LRRTM3: variants seen among roughly 807,000 people sequenced by gnomAD.
LRRTM3 encodes the protein leucine rich repeat transmembrane neuronal 3.
Under a neutral mutation model 44.7 loss-of-function variants are expected in LRRTM3, and 24 were observed. The ratio of observed to expected loss-of-function variants is 0.54; its 90% CI spans 0.39 to 0.76. The LOEUF (loss-of-function observed/expected upper bound fraction) is 0.76, where lower values mean the gene tolerates loss of function less well. Among genes scored for constraint, LRRTM3 ranks in the 30% least tolerant of loss-of-function variants. LRRTM3 has a pLI of 0.00. For missense variants in LRRTM3, 587 were observed against 702.2 expected (o/e 0.84, Z 1.85); for synonymous variants, 277 against 278.7 (o/e 0.99, Z 0.06).
At chr10:67,075,230 T>C (rs1242433992) in intron 2 of LRRTM3, among the ~76,000 whole-genome samples, 1 of 151,814 alleles carries the variant, frequency 6.6e-6, no homozygotes, top group Non-Finnish European at 1.5e-5. Flanking sequence ...TGAACAATTT[T>C]AAAGAAAAAT....
rs1157007144 is a variant in LRRTM3 at position 66,951,743 on chromosome 10, T to A, written c.1536+23291T>A. Among the ~76,000 whole-genome samples the A allele has an allele frequency of 2.0e-5, 3 of 152,178 alleles. No homozygotes were observed. The South Asian group carries it at 6.2e-4, about 32-fold the overall frequency. ...TACTTGACCTGCTGTTTGTTCAGAA[T>A]ATTTATTTTAGCATGTGAAACATTT... On this transcript the variant is annotated intron_variant, in intron 2 of 2. Coordinates refer to ENST00000361320, the MANE Select transcript of LRRTM3 (RefSeq NM_178011.5).
Position 67,024,009 on chromosome 10 carries a change from A to G in LRRTM3, c.1537-73578A>G, listed in dbSNP as rs188820020. Among the ~76,000 whole-genome samples the G allele has an allele frequency of 8.5e-5, 13 of 152,334 alleles. 1 individual carries two copies. In the East Asian group the frequency reaches 2.5e-3, roughly 29 times the overall value. On this transcript the variant is annotated intron_variant, in intron 2 of 2. Transcript: ENST00000361320. ...TAATTTCCTCTTGCTGCTATAACAT[A>G]TTACCACAAATTTAGTGGTTTAAAA...
intron 2 of LRRTM3, among the ~76,000 whole-genome samples, chr10:66,984,728 G>A (rs897855282): frequency 1.3e-5 from 2 of 151,940 alleles, no homozygotes; most frequent in Admixed American, 6.6e-5. Flanking sequence ...ACACTTAAAT[G>A]ACTTAAGAAA....
intron 2 of LRRTM3, among the ~76,000 whole-genome samples, chr10:67,028,648 T>TAA (rs35905009): frequency 0.012 from 1,642 of 142,218 alleles, 20 homozygotes; most frequent in East Asian, 0.033. Context: ...TAGTTCTACT[T>TAA]AAAAAAAAAA....
At chr10:67,010,554 G>A (rs961388443) in intron 2 of LRRTM3, among the ~76,000 whole-genome samples, 1 of 152,164 alleles carries the variant, frequency 6.6e-6, no homozygotes, top group African/African-American at 2.4e-5. Flanking sequence ...AGAAGAGTGG[G>A]GGGAGCACTA....
chr10:66,962,435 G>C (rs1382428554), intron 2 of LRRTM3, among the ~76,000 whole-genome samples: 1 of 149,222 alleles, frequency 6.7e-6, no homozygotes, highest in Non-Finnish European at 1.5e-5. Context: ...TTTTGAGACA[G>C]AGTCTCACTC....
At chr10:66,984,120 T>C (rs1470839220) in intron 2 of LRRTM3, among the ~76,000 whole-genome samples, 2 of 150,984 alleles carry the variant, frequency 1.3e-5, no homozygotes, top group African/African-American at 4.9e-5. Flanking sequence ...ACCTAACACA[T>C]GCCAGGTACT....
intron 2 of LRRTM3, among the ~76,000 whole-genome samples, chr10:67,066,855 C>T (rs999719177): frequency 6.6e-6 from 1 of 152,126 alleles, no homozygotes; most frequent in Admixed American, 6.6e-5. Flanking sequence ...TATTAAAAAT[C>T]TGCCTTTAAT....
intron 2 of LRRTM3, among the ~76,000 whole-genome samples, chr10:66,991,349 T>A (rs58208264): frequency 0.03 from 4,504 of 152,276 alleles, 306 homozygotes; most frequent in East Asian, 0.3. Flanking sequence ...ATATTTAAGA[T>A]AATCCTTTTT....
intron 2 of LRRTM3, among the ~76,000 whole-genome samples, chr10:67,074,528 T>C (rs1284235214): frequency 1.3e-5 from 2 of 151,382 alleles, no homozygotes; most frequent in Non-Finnish European, 2.9e-5. Context: ...TTTTCTGTAT[T>C]TTTAGTAGAG....
intron 2 of LRRTM3, among the ~76,000 whole-genome samples, chr10:67,007,689 A>G (rs1316486696): frequency 6.6e-6 from 1 of 152,040 alleles, no homozygotes; most frequent in Non-Finnish European, 1.5e-5. Flanking sequence ...CCACCATTTT[A>G]AAATCCATAA....
intron 2 of LRRTM3, among the ~76,000 whole-genome samples, chr10:67,066,117 A>T (rs945609367): frequency 5.3e-5 from 8 of 151,594 alleles, no homozygotes; most frequent in Non-Finnish European, 1.2e-4. Context: ...GGGAGCTGAG[A>T]TGAGATCTAA....
rs1243976598 is a variant in LRRTM3, at chr10:66,926,926, A to C, written c.10A>C (p.Asn4His). Residue 4 changes from asparagine (N) to histidine (H), a missense_variant, in exon 2 of 3, where the codon AAT becomes CAT. Coordinates refer to ENST00000361320, the MANE Select transcript of LRRTM3 (RefSeq NM_178011.5). MGF[N>H]VIRLLSGSAV... Reference sequence around the variant, plus strand: ...TAAGTTGTTTTTATTTCCAGGTTTCAATGTAATTAGGCTACTGAGCGGATC... The same window carrying C: ...TAAGTTGTTTTTATTTCCAGGTTTCCATGTAATTAGGCTACTGAGCGGATC... 6.4e-7 allele frequency: 1 copy of C among 1,559,780 alleles called. No individual in the cohort carries two copies. Among genetic ancestry groups the C allele is most frequent in the African/African-American group, 1.4e-5 (1 of 72,466 alleles).
At chr10:67,050,177 T>C (rs1017497613) in intron 2 of LRRTM3, among the ~76,000 whole-genome samples, 9 of 152,246 alleles carry the variant, frequency 5.9e-5, no homozygotes, top group African/African-American at 2.2e-4. Flanking sequence ...GCAGAATGCA[T>C]GTAGAACATG....
At position 66,975,063 on chromosome 10, in the gene LRRTM3, A is replaced by T. The variant is rs535040687; in HGVS notation, c.1536+46611A>T. Among the ~76,000 whole-genome samples, 5 of 152,264 alleles carry T rather than the reference A, an allele frequency of 3.3e-5. No individual in the cohort carries two copies. The East Asian group carries it at 5.8e-4, about 18-fold the overall frequency. ...TAATCTGGTATTTTAGACTCCATTA[A>T]GACTCGCCATTTTGTAGCTGACCAA... is the stretch of plus-strand genomic sequence containing the variant. On this transcript the variant is annotated intron_variant, in intron 2 of 2. Transcript: ENST00000361320.
At chr10:66,977,650 TG>T (rs1054088775) in intron 2 of LRRTM3, among the ~76,000 whole-genome samples, 37 of 152,306 alleles carry the variant, frequency 2.4e-4, no homozygotes, top group African/African-American at 8.7e-4. Flanking sequence ...AGATGTAAGC[TG>T]GGCCTTGTAT....
rs919129888 is a variant in LRRTM3, at chr10:67,098,097, T to C, written c.*301T>C. The C allele has an allele frequency of 2.6e-5, 9 of 349,704 alleles. No individual in the cohort carries two copies. The highest frequency in any genetic ancestry group is 1.9e-4 in the African/African-American group (9 of 47,762). The allele number at this position is 349,704 out of a possible 1,614,324, so 21.7% of individuals were successfully genotyped here. ...CCTACCTGTAAAAACTGTACAAAGC[T>C]AATGTATTTTTCATATTGTAAAGTT... is the stretch of plus-strand genomic sequence containing the variant. On this transcript the variant is annotated 3_prime_UTR_variant, in exon 3 of 3. Coordinates refer to ENST00000361320, the MANE Select transcript of LRRTM3 (RefSeq NM_178011.5).
At chr10:66,949,779 G>C (rs1848443801) in intron 2 of LRRTM3, among the ~76,000 whole-genome samples, 1 of 152,092 alleles carries the variant, frequency 6.6e-6, no homozygotes, top group Non-Finnish European at 1.5e-5. Flanking sequence ...ATTTCACAGG[G>C]CTTGTGTTCC....
At chr10:67,024,496 T>C (rs1229392000) in intron 2 of LRRTM3, among the ~76,000 whole-genome samples, 1 of 152,172 alleles carries the variant, frequency 6.6e-6, no homozygotes, top group African/African-American at 2.4e-5. Flanking sequence ...GAAGTAAACA[T>C]CTTTGGTGGG....
Sources: gnomAD v4.1 joint callset for allele counts (sites outside exome capture counted in the v4.1 genomes callset) on GRCh38, gnomAD v4.1.1 for gene constraint, MANE v1.5 for transcripts, NCBI Gene and HGNC (gene_info 2026-07-23, HGNC 2026-07-21) for gene names.